The following COL11A2 variants were observed in gnomAD, a reference collection of about 807,000 sequenced individuals.
COL11A2 encodes collagen type XI alpha 2 chain.
Under a neutral mutation model 273.4 loss-of-function variants are expected in COL11A2, and 116 were observed. The ratio of observed to expected loss-of-function variants is 0.42; its 90% CI spans 0.36 to 0.49. COL11A2 has a LOEUF of 0.49. COL11A2 is among the 20% of genes least tolerant of loss of function. The pLI is 0.00. For missense variants in COL11A2, 1,866 were observed against 2,309.0 expected (o/e 0.81, Z 3.93); for synonymous variants, 782 against 864.2 (o/e 0.90, Z 1.67).
In COL11A2 at chr6:33,174,193, G is replaced by A; in HGVS notation, c.2456C>T (p.Pro819Leu). Residue 819 changes from proline (P) to leucine (L), a missense_variant, in exon 32 of 66, where the codon CCT becomes CTT. Physicochemically the swap from Pro to Leu is moderately conservative, Grantham distance 98. Transcript: ENST00000341947. The part of the protein sequence containing the change: ...PKGSLGFPGF[P>L]GASGEKGARG... ...GGCTCCCTTCTCTCCACTGGCACCA[G>A]GAAAGCCAGGAAATCCTAGGGACCC... 1.3e-6 allele frequency: 2 copies of A among 1,577,136 alleles called. No homozygotes were observed. Among genetic ancestry groups the A allele is most frequent in the Non-Finnish European group, 1.7e-6 (2 of 1,160,912 alleles).
At position 33,188,442 on chromosome 6, in the gene COL11A2, G is replaced by A. The variant is rs751864384; in HGVS notation, c.526C>T (p.Pro176Ser). 1.2e-6 allele frequency: 2 copies of A among 1,613,034 alleles called. No homozygotes were observed. The highest frequency in any genetic ancestry group is 2.2e-5 in the East Asian group (1 of 44,890). Reference protein sequence around the residue: ...DCKKRVTRPLPRSARPVLDTH... With the variant: ...DCKKRVTRPLSRSARPVLDTH... ...TCCAATACTGGACGAGCACTTCGGG[G>A]GAGAGGCCGGGTGACTCGCTTCTTG... is the stretch of plus-strand genomic sequence containing the variant. Residue 176 changes from proline to serine, a missense_variant, in exon 4 of 66, where the codon CCC becomes TCC. Coordinates refer to ENST00000341947, the MANE Select transcript of COL11A2 (RefSeq NM_080680.3).
At position 33,181,646 on chromosome 6, in the gene COL11A2, C is replaced by T. The variant is rs149429196; in HGVS notation, c.1120-476G>A. 3.5e-4 allele frequency among the ~76,000 whole-genome samples: 53 copies of T among 152,084 alleles called. 1 individual carries two copies. The East Asian group carries it at 9.3e-3, about 27-fold the overall frequency. On this transcript the variant is annotated intron_variant, in intron 8 of 65. Transcript: ENST00000341947. ...GATTACAGATGTGCACCACCATGCCCGGCTAATTTTTGTATTTTTATTAGA... is the reference window on the plus strand; with the variant it reads ...GATTACAGATGTGCACCACCATGCCTGGCTAATTTTTGTATTTTTATTAGA...
rs377656039 is a variant in COL11A2 at position 33,165,780 on chromosome 6, G to C, written c.4519C>G (p.Gln1507Glu). ...PGEVIQPLPI[Q>E]MPKKTRRSVD... ...GAGCGCCGAGTCTTCTTGGGCATCT[G>C]AATGGGCAGTGGCTGGATCACCTCG... is the stretch of plus-strand genomic sequence containing the variant. The change falls in exon 63 of 66, where the codon CAG becomes GAG. Residue 1507 changes from glutamine to glutamate, a missense_variant. By Grantham distance (29) the Gln-to-Glu change is conservative. Transcript: ENST00000341947. The surrounding 1 kb of genome is among the most constrained non-coding windows in gnomAD (Gnocchi z 7.7). 1 of 1,613,266 alleles carries C rather than the reference G, an allele frequency of 6.2e-7. No homozygotes were observed. Among genetic ancestry groups the C allele is most frequent in the African/African-American group, 1.3e-5 (1 of 74,936 alleles).
In COL11A2 at chr6:33,167,493, G is replaced by C. The variant is rs763995767; in HGVS notation, c.4055C>G (p.Pro1352Arg). The C allele has an allele frequency of 1.2e-6, 2 of 1,612,430 alleles. No homozygotes were observed. The highest frequency in any genetic ancestry group is 1.7e-6 in the Non-Finnish European group (2 of 1,179,892). ...CCCTGCTGGGCCTGCAGGACCCACC[G>C]GGCCTGTCTTCCCCGGGGCACCTAT... ...GAIGAPGKTG[P>R]VGPAGPAGKP... is the part of the protein sequence containing the mutation. The change falls in exon 56 of 66, where the codon CCG (proline) becomes CGG (arginine). Residue 1352 changes from proline (P) to arginine (R), a missense_variant. Physicochemically the swap from Pro to Arg is moderately radical, Grantham distance 103. Transcript: ENST00000341947. The surrounding 1 kb of genome is among the most constrained non-coding windows in gnomAD (Gnocchi z 6.1).
chr6:33,168,831 C>T, intron 52 of COL11A2, 72 bp from the exon 53 acceptor site: 3 of 1,605,634 alleles, frequency 1.9e-6, no homozygotes, highest in Non-Finnish European at 2.6e-6. Context: ...TGTCAATACC[C>T]CATCCCCTTG....
In COL11A2 at chr6:33,166,223, A is replaced by G. The variant is rs1435096638; in HGVS notation, c.4393-17T>C. The G allele has an allele frequency of 2.5e-6, 4 of 1,594,376 alleles. No individual in the cohort carries two copies. The South Asian group carries it at 4.6e-5, about 18-fold the overall frequency. On this transcript the variant is annotated splice_polypyrimidine_tract_variant and intron_variant, in intron 60 of 65. Coordinates refer to ENST00000341947, the MANE Select transcript of COL11A2 (RefSeq NM_080680.3). The surrounding 1 kb of genome is among the most constrained non-coding windows in gnomAD (Gnocchi z 4.8). ...AGCAGGTCCCTGTGAAATGAGGAAC[A>G]AGAAAGAGACGGTCACTGCAGGGGA...
In COL11A2 at chr6:33,170,354, C is replaced by G. The variant is rs771004504; in HGVS notation, c.3554G>C (p.Arg1185Pro). 9.3e-6 allele frequency: 15 copies of G among 1,613,688 alleles called. No individual in the cohort carries two copies. The Admixed American group carries it at 1.3e-4, about 14-fold the overall frequency. ...PMGPPGPPGP[R>P]GPAGPNGADG... ...AGCGCCATTGGGTCCAGCTGGACCTCGAGGTCCTGGGGGGCCAGGTGGTCC... is the reference window on the plus strand; with the variant it reads ...AGCGCCATTGGGTCCAGCTGGACCTGGAGGTCCTGGGGGGCCAGGTGGTCC... Residue 1185 changes from arginine to proline, a missense_variant, in exon 48 of 66, where the codon CGA (arginine) becomes CCA (proline). Arg to Pro is a moderately radical substitution (Grantham distance 103). Coordinates refer to ENST00000341947, the MANE Select transcript of COL11A2 (RefSeq NM_080680.3). The surrounding 1 kb of genome is among the most constrained non-coding windows in gnomAD (Gnocchi z 4.3).
At position 33,180,266 on chromosome 6, in the gene COL11A2, T is replaced by A. The variant is rs1409571844; in HGVS notation, c.1351A>T (p.Met451Leu). 6.2e-7 allele frequency: 1 copy of A among 1,612,106 alleles called. No individual in the cohort carries two copies. The highest frequency in any genetic ancestry group is 1.3e-5 in the African/African-American group (1 of 74,850). ...CCCAAGAGACAACTCACTGGGAGCA[T>A]GAGAGATGTGCCAGGAGGACCAGGA... is the stretch of plus-strand genomic sequence containing the variant. ...GAPGPPGTSLMLPFRFGSGGG... is the reference protein window; with the variant it reads ...GAPGPPGTSLLLPFRFGSGGG... Residue 451 changes from methionine (M) to leucine (L), a missense_variant, in exon 12 of 66, where the codon ATG becomes TTG. Physicochemically the swap from Met to Leu is conservative, Grantham distance 15. Coordinates refer to ENST00000341947, the MANE Select transcript of COL11A2 (RefSeq NM_080680.3).
rs1466523558 is a variant in COL11A2, at chr6:33,177,820, C to G, written c.1873-114G>C. The stretch of plus-strand genomic sequence containing the variant: ...GGTCAGACCTCCAATCCATCCCAAA[C>G]CCAAGCAAACACAGCTGGCCCAGGC... On this transcript the variant is annotated intron_variant, in intron 21 of 65. Transcript: ENST00000341947. The surrounding 1 kb of genome is among the most constrained non-coding windows in gnomAD (Gnocchi z 5.9). The G allele has an allele frequency of 8.5e-7, 1 of 1,174,674 alleles. No individual in the cohort carries two copies. The highest frequency in any genetic ancestry group is 1.3e-6 in the Non-Finnish European group (1 of 797,292). 72.8% of individuals were successfully genotyped at this position (1,174,674 alleles called of 1,614,324 possible). A position where few individuals can be genotyped will look rare whatever the true frequency, so the allele number is the denominator to read the frequency against.
chr6:33,186,235 A>C (rs1295093519), intron 5 of COL11A2, among the ~76,000 whole-genome samples: 7 of 144,068 alleles, frequency 4.9e-5, no homozygotes, highest in Admixed American at 1.4e-4. Flanking sequence ...CTCCATCCCT[A>C]CTCCTTCCCA....
chr6:33,193,430 T>G (rs977760908), upstream of COL11A2, among the ~76,000 whole-genome samples: 1 of 19,660 alleles, frequency 5.1e-5, no homozygotes, highest in Non-Finnish European at 9.6e-5. Context: ...TCTCCCCCCC[T>G]CCCCGACAAA....
rs775089162 is a variant in COL11A2 at position 33,188,359 on chromosome 6, T to C, written c.606+3A>G. 2.7e-5 allele frequency: 44 copies of C among 1,612,954 alleles called. No individual in the cohort carries two copies. The highest frequency in any genetic ancestry group is 3.6e-5 in the Non-Finnish European group (43 of 1,180,038). On this transcript the variant is annotated splice_donor_region_variant and intron_variant, in intron 4 of 65. Transcript: ENST00000341947. ...CAATCCTGCCTCTGATTGCTCTGGTTACCTCAAAGACTTCTTCATCCAGAA... is the reference window on the plus strand; with the variant it reads ...CAATCCTGCCTCTGATTGCTCTGGTCACCTCAAAGACTTCTTCATCCAGAA...
chr6:33,167,042 C>A lies in COL11A2; in HGVS notation c.4230+28G>T, dbSNP rs370846666. On this transcript the variant is annotated intron_variant, in intron 58 of 65. Transcript: ENST00000341947. This position sits in a 1 kb window ranked among gnomAD's most constrained non-coding sequence, Gnocchi z 6.1. ...AGGGGCGAGGGTGATGGGAGAGACACCTGGCCACGTGTCTGTCTGTCACTC... is the reference window on the plus strand; with the variant it reads ...AGGGGCGAGGGTGATGGGAGAGACAACTGGCCACGTGTCTGTCTGTCACTC... 5.0e-6 allele frequency: 8 copies of A among 1,612,568 alleles called. No homozygotes were observed. In the African/African-American group the frequency reaches 9.4e-5, roughly 19 times the overall value.
rs1276745667 is a variant in COL11A2 at position 33,178,111 on chromosome 6, A to G, written c.1872+21T>C. 1.2e-6 allele frequency: 2 copies of G among 1,604,786 alleles called. 1 individual carries two copies. The highest frequency in any genetic ancestry group is 2.2e-5 in the South Asian group (2 of 89,994). On this transcript the variant is annotated intron_variant, in intron 21 of 65. Coordinates refer to ENST00000341947, the MANE Select transcript of COL11A2 (RefSeq NM_080680.3). The surrounding 1 kb of genome is among the most constrained non-coding windows in gnomAD (Gnocchi z 4.6). ...GAGGTCAAGGGGTCACCTCAGGGTCAGAAGTCAGGGAGTCACTTACAGGGG... is the reference window on the plus strand; with the variant it reads ...GAGGTCAAGGGGTCACCTCAGGGTCGGAAGTCAGGGAGTCACTTACAGGGG...
intron 1 of COL11A2, among the ~76,000 whole-genome samples, chr6:33,191,901 C>T (rs1773157111): frequency 6.6e-6 from 1 of 152,256 alleles, no homozygotes; most frequent in African/African-American, 2.4e-5. Flanking sequence ...GACAAGCATC[C>T]ATCCCCATTC....
rs561802295 is a variant in COL11A2 at position 33,170,781 on chromosome 6, C to G, written c.3474+29G>C. On this transcript the variant is annotated intron_variant, in intron 46 of 65. Transcript: ENST00000341947. This position sits in a 1 kb window ranked among gnomAD's most constrained non-coding sequence, Gnocchi z 4.3. ...ACATCACCCCATCCTGACCCCACCTCTCAGCCCCTGTCCTATCCCCCAACA... is the reference window on the plus strand; with the variant it reads ...ACATCACCCCATCCTGACCCCACCTGTCAGCCCCTGTCCTATCCCCCAACA... The G allele has an allele frequency of 5.7e-5, 92 of 1,609,648 alleles. No individual in the cohort carries two copies. The highest frequency in any genetic ancestry group is 7.6e-6 in the Non-Finnish European group (9 of 1,177,288).
chr6:33,186,092 G>A (rs112083140), intron 5 of COL11A2, among the ~76,000 whole-genome samples: 1 of 151,794 alleles, frequency 6.6e-6, no homozygotes, highest in African/African-American at 2.4e-5. Flanking sequence ...ATCCAACCCA[G>A]GCTCCCTTCC....
In COL11A2 at chr6:33,190,626, G is replaced by A. The variant is rs1263572534; in HGVS notation, c.83-1157C>T. ...CTGGGTGGGGTGGGTGAGGTGGGGC[G>A]GGCAGGCAGAGAAAAGGCCCTTTGA... On this transcript the variant is annotated intron_variant, in intron 1 of 65. Coordinates refer to ENST00000341947, the MANE Select transcript of COL11A2 (RefSeq NM_080680.3). This position sits in a 1 kb window ranked among gnomAD's most constrained non-coding sequence, Gnocchi z 4.5. Among the ~76,000 whole-genome samples the A allele has an allele frequency of 2.0e-5, 3 of 152,162 alleles. No individual in the cohort carries two copies. The highest frequency in any genetic ancestry group is 2.4e-5 in the African/African-American group (1 of 41,490).
chr6:33,170,346 C>T lies in COL11A2; in HGVS notation c.3562G>A (p.Ala1188Thr), dbSNP rs149331484. ...CTCACATCAGCGCCATTGGGTCCAG[C>T]TGGACCTCGAGGTCCTGGGGGGCCA... ...PPGPPGPRGP[A>T]GPNGADGPQG... Residue 1188 changes from alanine to threonine, a missense_variant, in exon 48 of 66, where the codon GCT becomes ACT. Coordinates refer to ENST00000341947, the MANE Select transcript of COL11A2 (RefSeq NM_080680.3). The surrounding 1 kb of genome is among the most constrained non-coding windows in gnomAD (Gnocchi z 4.3). 1.9e-6 allele frequency: 3 copies of T among 1,613,738 alleles called. No individual in the cohort carries two copies. The highest frequency in any genetic ancestry group is 1.3e-5 in the African/African-American group (1 of 74,914).
Sources: allele counts gnomAD v4.1 joint callset (sites outside exome capture counted in the v4.1 genomes callset), GRCh38; gene constraint gnomAD v4.1.1; non-coding constraint Gnocchi (gnomAD v3.1); transcripts MANE v1.5; gene names NCBI Gene and HGNC (gene_info 2026-07-23, HGNC 2026-07-21).